TSGA10: variants seen among roughly 807,000 people sequenced by gnomAD.
TSGA10 encodes the protein testis-specific gene 10 protein.
In TSGA10, 43 loss-of-function variants were observed where a neutral mutation model predicts 96.6. The ratio of observed to expected loss-of-function variants is 0.44; its 90% CI spans 0.35 to 0.57. The LOEUF (loss-of-function observed/expected upper bound fraction) is 0.57, where lower values mean the gene tolerates loss of function less well. Ranked by LOEUF, TSGA10 falls within the 20% of genes least tolerant of loss-of-function variation. The probability of loss-of-function intolerance (pLI) is 0.01; values close to 1 mark genes in which losing one functional copy is unlikely to be tolerated. For synonymous variants in TSGA10, 229 were observed against 269.9 expected (o/e 0.85, Z 1.48); for missense variants, 703 against 834.4 (o/e 0.84, Z 1.94).
chr2:99,031,014 C>A (rs2081079541), intron 17 of TSGA10, among the ~76,000 whole-genome samples: 1 of 148,072 alleles, frequency 6.8e-6, no homozygotes. Context: ...TGTGAAAAAT[C>A]AAAGAGATTA....
At position 99,117,604 on chromosome 2, in the gene TSGA10, T is replaced by TAA; in HGVS notation, c.-201_-200insTT. The TAA allele has an allele frequency of 1.0e-6, 1 of 985,860 alleles. No homozygotes were observed. The highest frequency in any genetic ancestry group is 1.2e-6 in the Non-Finnish European group (1 of 829,932). The allele number at this position is 985,860 out of a possible 1,614,324, so 61.1% of individuals were successfully genotyped here. On this transcript the variant is annotated 5_prime_UTR_variant, in exon 4 of 21. Transcript: ENST00000393483. The stretch of plus-strand genomic sequence containing the variant: ...CCACAAAATTTTTCTCTTTTTCGAG[T>TAA]TGCTCTGCTAGTTGGTCAATTTTAA...
intron 13 of TSGA10, 127 bp downstream of exon 13, chr2:99,072,891 C>A: frequency 1.7e-6 from 1 of 602,424 alleles, no homozygotes; most frequent in Non-Finnish European, 2.9e-6. Flanking sequence ...AGACTTAGGC[C>A]TCCTTTGATG....
At chr2:99,102,844 A>G (rs1320346705) in intron 10 of TSGA10, 3 of 1,022,724 alleles carry the variant, frequency 2.9e-6, no homozygotes, top group African/African-American at 3.2e-5. Context: ...TATTTGGCCA[A>G]TAGTTTTCAG....
At chr2:99,050,374 T>C (rs1429041123) in intron 16 of TSGA10, among the ~76,000 whole-genome samples, 1 of 152,222 alleles carries the variant, frequency 6.6e-6, no homozygotes, top group Non-Finnish European at 1.5e-5. Context: ...ACATTTCAGA[T>C]TTCAGATTTT....
intron 11 of TSGA10, 154 bp from the exon 12 acceptor site, chr2:99,078,967 T>G (rs979001769): frequency 3.4e-6 from 2 of 590,698 alleles, no homozygotes; most frequent in East Asian, 6.4e-5. Flanking sequence ...TTAAAAAAAT[T>G]TTTTTGGTTA....
intron 20 of TSGA10, among the ~76,000 whole-genome samples, chr2:99,009,065 T>C (rs990904920): frequency 6.6e-6 from 1 of 152,166 alleles, no homozygotes; most frequent in African/African-American, 2.4e-5. Flanking sequence ...GTATTATTTT[T>C]TGCAGAGTGT....
At chr2:99,144,568 G>A (rs2093612239) in intron 1 of TSGA10, among the ~76,000 whole-genome samples, 1 of 149,338 alleles carries the variant, frequency 6.7e-6, no homozygotes, top group African/African-American at 2.5e-5. Context: ...AGACTTGCTT[G>A]AACCCGGGAG....
chr2:99,081,776 A>G (rs1363385159), intron 10 of TSGA10, among the ~76,000 whole-genome samples: 2 of 151,502 alleles, frequency 1.3e-5, no homozygotes, highest in Non-Finnish European at 2.9e-5. Flanking sequence ...TCTGCAACAC[A>G]GGAAATAGAA....
chr2:99,135,353 C>T (rs564868080), intron 1 of TSGA10, among the ~76,000 whole-genome samples: 4 of 152,320 alleles, frequency 2.6e-5, no homozygotes, highest in Non-Finnish European at 4.4e-5. Flanking sequence ...CCACCCAGTT[C>T]GAACTTCCCA....
intron 17 of TSGA10, among the ~76,000 whole-genome samples, chr2:99,029,800 C>G (rs1260243845): frequency 6.6e-6 from 1 of 152,214 alleles, no homozygotes; most frequent in Non-Finnish European, 1.5e-5. Flanking sequence ...TGGTGAAACA[C>G]TGAATGCTTT....
intron 16 of TSGA10, among the ~76,000 whole-genome samples, chr2:99,052,730 T>C (rs1024716586): frequency 6.8e-6 from 1 of 147,402 alleles, no homozygotes; most frequent in African/African-American, 2.5e-5. Context: ...AGAGCGAGAC[T>C]CCATCTCAAT....
chr2:99,066,453 T>C (rs1215299279), intron 15 of TSGA10, among the ~76,000 whole-genome samples: 1 of 152,210 alleles, frequency 6.6e-6, no homozygotes, highest in Admixed American at 6.5e-5. Flanking sequence ...TTACTGTCTA[T>C]GTCATTCACT....
chr2:99,126,357 G>A (rs1245170568), intron 2 of TSGA10: 2 of 152,126 alleles, frequency 1.3e-5, no homozygotes, highest in Non-Finnish European at 2.9e-5. Flanking sequence ...GTTATTTCTA[G>A]TTGCCAGTTT....
intron 16 of TSGA10, among the ~76,000 whole-genome samples, chr2:99,054,270 T>C (rs1186361227): frequency 6.6e-6 from 1 of 152,166 alleles, no homozygotes; most frequent in Non-Finnish European, 1.5e-5. Flanking sequence ...GAAGATGCAG[T>C]GGAGAAAGGA....
At chr2:99,035,518 TG>T in intron 16 of TSGA10, 79 bp from the exon 17 acceptor site, 1 of 1,007,362 alleles carries the variant, frequency 9.9e-7, no homozygotes, top group African/African-American at 1.6e-5. Context: ...AAAAATGAAG[TG>T]GGGCAAATCT....
intron 16 of TSGA10, among the ~76,000 whole-genome samples, chr2:99,044,704 C>T (rs911291602): frequency 1.3e-5 from 2 of 152,150 alleles, no homozygotes; most frequent in Non-Finnish European, 2.9e-5. Flanking sequence ...CAGAACTCTC[C>T]ACTCCAAATC....
At chr2:99,065,245 G>C in intron 15 of TSGA10, 121 bp from the exon 16 acceptor site, 1 of 1,042,942 alleles carries the variant, frequency 9.6e-7, no homozygotes, top group Non-Finnish European at 1.4e-6. Context: ...GAACCCTGAG[G>C]AAATATATCT....
At chr2:99,060,440 C>A (rs957372552) in intron 16 of TSGA10, among the ~76,000 whole-genome samples, 4 of 152,012 alleles carry the variant, frequency 2.6e-5, no homozygotes, top group South Asian at 4.1e-4. Flanking sequence ...AAATAAAAGA[C>A]CTGCCTAAAT....
chr2:99,108,455 A>C (rs1195812499), intron 7 of TSGA10, among the ~76,000 whole-genome samples: 2 of 152,136 alleles, frequency 1.3e-5, no homozygotes, highest in African/African-American at 4.8e-5. Context: ...AAATTAAGCA[A>C]ATTATATAAA....
Sources: allele counts gnomAD v4.1 joint callset (sites outside exome capture counted in the v4.1 genomes callset), GRCh38; gene constraint gnomAD v4.1.1; transcripts MANE v1.5; gene names NCBI Gene and HGNC (gene_info 2026-07-23, HGNC 2026-07-21).